RIN2: variants seen among roughly 807,000 people sequenced by gnomAD.
RIN2 encodes Ras and Rab interactor 2, also known as RAB5 interacting protein 2.
RIN2 carries 36 observed loss-of-function variants against 78.0 expected under a neutral mutation model. That is an observed-to-expected ratio of 0.46 (90% CI 0.35 to 0.61). The LOEUF is 0.61. Ranked by LOEUF, RIN2 falls within the 20% of genes least tolerant of loss-of-function variation. RIN2 has a pLI of 0.00. For missense variants in RIN2, 1,087 were observed against 1,159.7 expected (o/e 0.94, Z 0.91); for synonymous variants, 466 against 466.8 (o/e 1.00, Z 0.02).
chr20:19,956,921 C>A, intron 5 of RIN2, 114 bp downstream of exon 5: 1 of 854,168 alleles, frequency 1.2e-6, no homozygotes, highest in Non-Finnish European at 1.8e-6. Context: ...AGGAGCATGT[C>A]TCTTGATGTG....
intron 1 of RIN2, among the ~76,000 whole-genome samples, chr20:19,763,183 A>G (rs2033716271): frequency 6.6e-6 from 1 of 152,118 alleles, no homozygotes; most frequent in Non-Finnish European, 1.5e-5. Context: ...TTAGGAGTTC[A>G]AGGCCAGCCT....
chr20:19,832,475 T>C (rs559898256), intron 2 of RIN2, among the ~76,000 whole-genome samples: 1 of 151,116 alleles, frequency 6.6e-6, no homozygotes, highest in South Asian at 2.1e-4. Context: ...CAAGCACGCC[T>C]TTCAAAGGCA....
chr20:19,827,549 G>A (rs2036130237), intron 2 of RIN2, among the ~76,000 whole-genome samples: 2 of 152,118 alleles, frequency 1.3e-5, no homozygotes, highest in Admixed American at 1.3e-4. Flanking sequence ...TAATTCTCCT[G>A]AGTGCTTGAA....
At position 19,835,126 on chromosome 20, in the gene RIN2, G is replaced by GA. The variant is rs1568796892; in HGVS notation, c.-37+35382dup. On this transcript the variant is annotated intron_variant, in intron 2 of 12. Transcript: ENST00000255006. ...AAAGAAAGAAAGAGGGAGGAAGGAA[G>GA]AAAGGAAGGAAGGGAGGGAGGAAGG... Among the ~76,000 whole-genome samples the GA allele has an allele frequency of 1.2e-4, 13 of 107,988 alleles. No homozygotes were observed. In the East Asian group the frequency reaches 4.2e-3, roughly 35 times the overall value. 70.8% of individuals were successfully genotyped at this position (107,988 alleles called of 152,430 possible).
chr20:19,996,701 A>C lies in RIN2; in HGVS notation c.2223A>C (p.Ala741=). The change falls in exon 12 of 13, where the codon GCA becomes GCC. Residue 741 remains alanine, a synonymous_variant. Coordinates refer to ENST00000255006, the MANE Select transcript of RIN2 (RefSeq NM_018993.4). The part of the protein sequence containing the change: ...HGEGGYYLTS[A]YGALSLIKNF... ...CAGGAGGCTATTACTTGACAAGCGC[A>C]TATGGAGCACTTTCTCTGATAAAGA... 1.2e-6 allele frequency: 2 copies of C among 1,614,076 alleles called. No individual in the cohort carries two copies. The highest frequency in any genetic ancestry group is 2.2e-5 in the South Asian group (2 of 91,084).
chr20:19,801,165 A>G (rs567382283), intron 2 of RIN2, among the ~76,000 whole-genome samples: 1 of 152,242 alleles, frequency 6.6e-6, no homozygotes, highest in African/African-American at 2.4e-5. Context: ...ACTTAAGTGT[A>G]GAGTTCTCTC....
chr20:19,839,122 A>G lies in RIN2; in HGVS notation c.-37+39375A>G, dbSNP rs572890854. On this transcript the variant is annotated intron_variant, in intron 2 of 12. Transcript: ENST00000255006. The stretch of plus-strand genomic sequence containing the variant: ...CAGCGCCTCATGGATGTTCCCTGGC[A>G]TCTGTTACGATCCCCCTGTCAGCTT... 2.0e-5 allele frequency among the ~76,000 whole-genome samples: 3 copies of G among 152,308 alleles called. No homozygotes were observed. In the East Asian group the frequency reaches 5.8e-4, roughly 29 times the overall value.
intron 1 of RIN2, among the ~76,000 whole-genome samples, chr20:19,788,447 A>C (rs1010569086): frequency 1.3e-5 from 2 of 150,490 alleles, no homozygotes; most frequent in Non-Finnish European, 3.0e-5. Context: ...AAAAAAAAAA[A>C]AACAACTAGC....
At chr20:19,912,114 G>A (rs1360223541) in intron 3 of RIN2, among the ~76,000 whole-genome samples, 1 of 152,200 alleles carries the variant, frequency 6.6e-6, no homozygotes, top group Non-Finnish European at 1.5e-5. Flanking sequence ...AACATGAAAA[G>A]CAGATTCTAA....
chr20:19,923,979 C>T lies in RIN2; in HGVS notation c.58-11120C>T, dbSNP rs939143665. 4.6e-5 allele frequency among the ~76,000 whole-genome samples: 7 copies of T among 151,334 alleles called. No individual in the cohort carries two copies. The South Asian group carries it at 8.4e-4, about 18-fold the overall frequency. ...GGCAGAGTTCTGTTTCAAACCTCCA[C>T]CTCTTCATACCCCCACCTTTATACC... On this transcript the variant is annotated intron_variant, in intron 3 of 12. Transcript: ENST00000255006.
intron 4 of RIN2, among the ~76,000 whole-genome samples, chr20:19,953,867 C>A (rs991812520): frequency 6.6e-6 from 1 of 152,184 alleles, no homozygotes; most frequent in Non-Finnish European, 1.5e-5. Flanking sequence ...ATTCACTTCC[C>A]AATACCTGCA....
chr20:19,891,593 C>T (rs1287749828), intron 3 of RIN2, among the ~76,000 whole-genome samples: 12 of 152,036 alleles, frequency 7.9e-5, no homozygotes, highest in South Asian at 4.1e-4. Flanking sequence ...CCTAGGTGGG[C>T]GGATCACTTG....
At chr20:19,894,220 A>G (rs1004207926) in intron 3 of RIN2, among the ~76,000 whole-genome samples, 2 of 152,186 alleles carry the variant, frequency 1.3e-5, no homozygotes, top group Admixed American at 6.5e-5. Flanking sequence ...AAGAGTTTGT[A>G]TAAGAAAGAT....
intron 3 of RIN2, among the ~76,000 whole-genome samples, chr20:19,925,440 C>G (rs1476381645): frequency 6.6e-6 from 1 of 152,124 alleles, no homozygotes; most frequent in East Asian, 1.9e-4. Context: ...ATATTGAAAA[C>G]TTGGATAAAT....
chr20:19,920,820 T>C (rs2039885223), intron 3 of RIN2, among the ~76,000 whole-genome samples: 1 of 152,018 alleles, frequency 6.6e-6, no homozygotes, highest in Non-Finnish European at 1.5e-5. Context: ...GGACTACAGG[T>C]GTGCACCATG....
At chr20:19,845,656 A>C (rs761169155) in intron 2 of RIN2, among the ~76,000 whole-genome samples, 1 of 150,770 alleles carries the variant, frequency 6.6e-6, no homozygotes, top group Non-Finnish European at 1.5e-5. Context: ...GATTGCAAAA[A>C]TTTTCTCCCA....
chr20:19,868,238 A>G (rs1049612745), intron 2 of RIN2, among the ~76,000 whole-genome samples: 12 of 152,240 alleles, frequency 7.9e-5, no homozygotes, highest in African/African-American at 2.7e-4. Flanking sequence ...CAAACCACGC[A>G]TCGCCTGACC....
intron 2 of RIN2, among the ~76,000 whole-genome samples, chr20:19,873,799 T>A (rs1483305917): frequency 6.6e-6 from 1 of 152,202 alleles, no homozygotes; most frequent in African/African-American, 2.4e-5. Flanking sequence ...ATTTACAGAA[T>A]TGAAAATACA....
intron 11 of RIN2, among the ~76,000 whole-genome samples, chr20:19,993,182 A>C (rs2042848026): frequency 6.6e-6 from 1 of 152,176 alleles, no homozygotes; most frequent in African/African-American, 2.4e-5. Context: ...AGGAGAACAA[A>C]TCAGGGCCTG....
Sources: gnomAD v4.1 joint callset for allele counts (sites outside exome capture counted in the v4.1 genomes callset) on GRCh38, gnomAD v4.1.1 for gene constraint, MANE v1.5 for transcripts, NCBI Gene and HGNC (gene_info 2026-07-23, HGNC 2026-07-21) for gene names.